Variants in LRBA observed in about 807,000 individuals in gnomAD.
LRBA encodes lipopolysaccharide-responsive and beige-like anchor protein.
In LRBA, 176 loss-of-function variants were observed where a neutral mutation model predicts 330.0. The ratio of observed to expected loss-of-function variants is 0.53; its 90% CI spans 0.47 to 0.60. The LOEUF (loss-of-function observed/expected upper bound fraction) is 0.60, where lower values mean the gene tolerates loss of function less well. LRBA is among the 20% of genes least tolerant of loss of function. LRBA has a pLI of 0.00. For missense variants in LRBA, 3,259 were observed against 3,444.8 expected, an observed-to-expected ratio of 0.95 and a Z score of 1.35; for synonymous variants, 1,230 against 1,193.0, an observed-to-expected ratio of 1.03 and a Z score of -0.64.
At chr4:150,289,099 C>T (rs1241332481) in intron 53 of LRBA, among the ~76,000 whole-genome samples, 3 of 152,046 alleles carry the variant, frequency 2.0e-5, no homozygotes, top group African/African-American at 7.2e-5. Context: ...AAATACTGAG[C>T]ATTTTCTATG....
At chr4:150,310,491 A>T in intron 51 of LRBA, 107 bp from the exon 52 acceptor site, 1 of 647,108 alleles carries the variant, frequency 1.5e-6, no homozygotes, top group Non-Finnish European at 2.6e-6. Flanking sequence ...CTTGATCCTT[A>T]ATTCTAAGTA....
In LRBA at chr4:150,415,544, A is replaced by T. The variant is rs1041915647; in HGVS notation, c.7088T>A (p.Phe2363Tyr). 12 of 1,597,882 alleles carry T rather than the reference A, an allele frequency of 7.5e-6. No individual in the cohort carries two copies. The highest frequency in any genetic ancestry group is 1.0e-5 in the Non-Finnish European group (12 of 1,165,450). The part of the protein sequence containing the change: ...FYYLPEMFVN[F>Y]NNYNLGVMDD... ...CATCACTCCAAGATTATAATTATTG[A>T]AGTTGACAAACATCTCAGGGAGATA... The change falls in exon 47 of 57, where the codon TTC (phenylalanine) becomes TAC (tyrosine). Residue 2363 changes from phenylalanine to tyrosine, a missense_variant. By Grantham distance (22) the Phe-to-Tyr change is conservative (BLOSUM62 3). Transcript: ENST00000651943.
chr4:150,469,492 T>C lies in LRBA; in HGVS notation c.6668-1707A>G, dbSNP rs551268267. Among the ~76,000 whole-genome samples, 15 of 152,338 alleles carry C rather than the reference T, an allele frequency of 9.8e-5. No individual in the cohort carries two copies. In the South Asian group the frequency reaches 2.7e-3, roughly 27 times the overall value. On this transcript the variant is annotated intron_variant, in intron 43 of 56. Transcript: ENST00000651943. ...TAACTGTGCATTCAACATGGGTTAATTGATTTACTACATGCAAAATATGTC... is the reference window on the plus strand; with the variant it reads ...TAACTGTGCATTCAACATGGGTTAACTGATTTACTACATGCAAAATATGTC...
In LRBA at chr4:150,394,878, G is replaced by A. The variant is rs79707483; in HGVS notation, c.7194+20560C>T. 8.5e-3 allele frequency among the ~76,000 whole-genome samples: 1,295 copies of A among 152,320 alleles called. 16 individuals carry two copies. The highest frequency in any genetic ancestry group is 0.03 in the African/African-American group (1,232 of 41,562). ...GGGAACAATCCCACCCAAGACCAGTGAGTACCTGAATAAACACTATTATAT... is the reference window on the plus strand; with the variant it reads ...GGGAACAATCCCACCCAAGACCAGTAAGTACCTGAATAAACACTATTATAT... On this transcript the variant is annotated intron_variant, in intron 47 of 56. Transcript: ENST00000651943.
At chr4:150,393,511 G>C (rs539325219) in intron 47 of LRBA, among the ~76,000 whole-genome samples, 205 of 148,998 alleles carry the variant, frequency 1.4e-3, no homozygotes, top group African/African-American at 4.8e-3. Context: ...TTAGAGACAG[G>C]GTCTCCCTCT....
At chr4:150,763,462 A>AT (rs1313027990) in intron 34 of LRBA, among the ~76,000 whole-genome samples, 1 of 151,948 alleles carries the variant, frequency 6.6e-6, no homozygotes, top group African/African-American at 2.4e-5. Flanking sequence ...GGGATACTAA[A>AT]TTTTTTCCAG....
intron 48 of LRBA, among the ~76,000 whole-genome samples, chr4:150,335,958 A>C (rs1272684153): frequency 6.6e-6 from 1 of 152,222 alleles, no homozygotes; most frequent in Admixed American, 6.5e-5. Context: ...GGCCTCCCAA[A>C]GTTCTGGGAT....
intron 40 of LRBA, among the ~76,000 whole-genome samples, chr4:150,585,932 G>A (rs1772059584): frequency 6.6e-6 from 1 of 152,098 alleles, no homozygotes; most frequent in Non-Finnish European, 1.5e-5. Context: ...CTTAAGTTGT[G>A]TAAGATTCCT....
chr4:150,797,431 TA>T (rs575312492), intron 34 of LRBA, among the ~76,000 whole-genome samples: 2 of 151,898 alleles, frequency 1.3e-5, no homozygotes, highest in African/African-American at 4.8e-5. Context: ...AAACTCTCAA[TA>T]AAAACATTCA....
chr4:150,295,493 G>A (rs969569236), intron 53 of LRBA, among the ~76,000 whole-genome samples: 5 of 152,116 alleles, frequency 3.3e-5, no homozygotes, highest in South Asian at 2.1e-4. Flanking sequence ...CACTGTGCCC[G>A]GCCTAAAGTA....
chr4:150,967,093 T>A (rs1279895501), intron 2 of LRBA, among the ~76,000 whole-genome samples: 1 of 152,214 alleles, frequency 6.6e-6, no homozygotes, highest in Non-Finnish European at 1.5e-5. Flanking sequence ...TTGTTTTAAA[T>A]AGTAGTTAAA....
chr4:150,855,629 T>C (rs966158618), intron 22 of LRBA, among the ~76,000 whole-genome samples: 3 of 152,154 alleles, frequency 2.0e-5, no homozygotes, highest in African/African-American at 7.2e-5. Context: ...AATTCCCCTA[T>C]GTGCCCTGCC....
intron 2 of LRBA, among the ~76,000 whole-genome samples, chr4:151,009,544 T>C (rs1364802918): frequency 7.6e-6 from 1 of 132,174 alleles, no homozygotes; most frequent in East Asian, 2.4e-4. Context: ...CAAGACTCTG[T>C]CTCAAAAAAA....
chr4:150,650,927 G>A (rs757273613), intron 37 of LRBA, among the ~76,000 whole-genome samples: 1 of 151,996 alleles, frequency 6.6e-6, no homozygotes, highest in Admixed American at 6.6e-5. Context: ...TGACTAAATG[G>A]GATTAACTAA....
chr4:150,870,783 A>G (rs1753336904), intron 19 of LRBA, among the ~76,000 whole-genome samples, 177 bp from the exon 20 acceptor site: 3 of 152,214 alleles, frequency 2.0e-5, no homozygotes, highest in Non-Finnish European at 2.9e-5. Flanking sequence ...CTACAGCATT[A>G]TTACTCTATG....
intron 11 of LRBA, among the ~76,000 whole-genome samples, 172 bp downstream of exon 11, chr4:150,908,158 TAAAC>T (rs1045014068): frequency 6.6e-6 from 1 of 152,180 alleles, no homozygotes; most frequent in African/African-American, 2.4e-5. Context: ...TTCCTACTGA[TAAAC>T]AAGAACTTAA....
At chr4:150,895,325 C>T (rs1729945289) in intron 16 of LRBA, among the ~76,000 whole-genome samples, 1 of 151,868 alleles carries the variant, frequency 6.6e-6, no homozygotes, top group Non-Finnish European at 1.5e-5. Flanking sequence ...GGTACATGTG[C>T]ACAATGTGCA....
intron 40 of LRBA, among the ~76,000 whole-genome samples, chr4:150,548,764 G>A (rs1766187975): frequency 6.6e-6 from 1 of 152,118 alleles, no homozygotes; most frequent in Admixed American, 6.5e-5. Flanking sequence ...GTCTGACATT[G>A]TGCTAACTGC....
chr4:150,880,540 T>C (rs1472093826), intron 17 of LRBA, among the ~76,000 whole-genome samples: 1 of 151,330 alleles, frequency 6.6e-6, no homozygotes, highest in African/African-American at 2.4e-5. Context: ...AAAAAAAACC[T>C]TTTAGCTCAA....
Sources: gnomAD v4.1 joint callset for allele counts (sites outside exome capture counted in the v4.1 genomes callset) on GRCh38, gnomAD v4.1.1 for gene constraint, MANE v1.5 for transcripts, NCBI Gene and HGNC (gene_info 2026-07-23, HGNC 2026-07-21) for gene names.